Variants in DZIP1 observed in about 807,000 individuals in gnomAD.
DZIP1 encodes DAZ interacting zinc finger protein 1, also known as cilium assembly protein DZIP1.
Under a neutral mutation model 107.6 loss-of-function variants are expected in DZIP1, and 97 were observed. The ratio of observed to expected loss-of-function variants is 0.90; its 90% CI spans 0.77 to 1.07. DZIP1 has a LOEUF of 1.07. Ranked by LOEUF, DZIP1 falls within the 50% of genes least tolerant of loss-of-function variation. The pLI is 0.00. For synonymous variants in DZIP1, 390 were observed against 386.4 expected (o/e 1.01, Z -0.11); for missense variants, 1,035 against 1,063.6 (o/e 0.97, Z 0.37).
At chr13:95,620,523 A>T (rs959619134) in intron 9 of DZIP1, among the ~76,000 whole-genome samples, 2 of 152,102 alleles carry the variant, frequency 1.3e-5, no homozygotes, top group African/African-American at 4.8e-5. Context: ...GTCAGGAAAA[A>T]TTTTTTAGTA....
intron 8 of DZIP1, among the ~76,000 whole-genome samples, chr13:95,623,424 G>A (rs1033554020): frequency 4.6e-5 from 7 of 152,270 alleles, no homozygotes; most frequent in African/African-American, 1.7e-4. Context: ...CAGCCAGGTA[G>A]CCAAGGTCAA....
At chr13:95,628,036 G>T (rs1355704235) in intron 7 of DZIP1, among the ~76,000 whole-genome samples, 1 of 151,500 alleles carries the variant, frequency 6.6e-6, no homozygotes, top group Non-Finnish European at 1.5e-5. Context: ...AGACACAAAA[G>T]GTCACACATT....
chr13:95,622,960 G>T (rs1000390939), intron 8 of DZIP1, among the ~76,000 whole-genome samples: 2 of 151,986 alleles, frequency 1.3e-5, no homozygotes, highest in African/African-American at 4.8e-5. Flanking sequence ...GCCCAGGCTG[G>T]TCTCAAACTC....
In DZIP1 at chr13:95,624,954, T is replaced by C. The variant is rs770599560; in HGVS notation, c.811-25A>G. On this transcript the variant is annotated intron_variant, in intron 7 of 22. Transcript: ENST00000376829. ...CCTGAAATTATTTTAATACACATCTTTAAAAGTTCTGGTCTGAAGAAAATA... is the reference window on the plus strand; with the variant it reads ...CCTGAAATTATTTTAATACACATCTCTAAAAGTTCTGGTCTGAAGAAAATA... The C allele has an allele frequency of 1.3e-5, 20 of 1,561,532 alleles. No homozygotes were observed. In the African/African-American group the frequency reaches 2.6e-4, roughly 20 times the overall value.
chr13:95,629,912 G>A, intron 7 of DZIP1, 77 bp downstream of exon 7: 1 of 1,458,396 alleles, frequency 6.9e-7, no homozygotes. Flanking sequence ...AGTGTCCTCT[G>A]TTTATTAGAG....
At chr13:95,603,442 A>G (rs1286874059) in intron 14 of DZIP1, among the ~76,000 whole-genome samples, 1 of 151,756 alleles carries the variant, frequency 6.6e-6, no homozygotes, top group African/African-American at 2.4e-5. Context: ...CTTTACATGT[A>G]GATAGAACCT....
At chr13:95,610,107 T>TGAGAGAGAGA (rs1435687735) in intron 12 of DZIP1, among the ~76,000 whole-genome samples, 4 of 121,948 alleles carry the variant, frequency 3.3e-5, no homozygotes, top group African/African-American at 9.6e-5. Context: ...TGTGTGTGTG[T>TGAGAGAGAGA]GTGTGAGAGA....
intron 7 of DZIP1, among the ~76,000 whole-genome samples, chr13:95,626,555 C>T (rs894278426): frequency 6.6e-6 from 1 of 152,034 alleles, no homozygotes; most frequent in African/African-American, 2.4e-5. Context: ...AATCAACAAC[C>T]TCCTAAAAAG....
At chr13:95,632,973 T>G (rs779489158) in intron 6 of DZIP1, among the ~76,000 whole-genome samples, 1 of 152,194 alleles carries the variant, frequency 6.6e-6, no homozygotes, top group Non-Finnish European at 1.5e-5. Context: ...TACTCATTTA[T>G]CTGTTTAAAT....
rs980175140 is a variant in DZIP1, at chr13:95,612,318, A to T, written c.1174-141T>A. ...CATCAAGTCGTTGAATAAATCTTTG[A>T]TCATGGTATATCCTGGCCCTGGCTG... On this transcript the variant is annotated intron_variant, in intron 10 of 22. Transcript: ENST00000376829. 12 of 950,390 alleles carry T rather than the reference A, an allele frequency of 1.3e-5. No homozygotes were observed. In the African/African-American group the frequency reaches 1.8e-4, roughly 14 times the overall value. 58.9% of individuals were successfully genotyped at this position (950,390 alleles called of 1,614,324 possible).
intron 5 of DZIP1, among the ~76,000 whole-genome samples, chr13:95,637,468 G>A (rs1290045477): frequency 6.6e-6 from 1 of 152,164 alleles, no homozygotes; most frequent in Non-Finnish European, 1.5e-5. Context: ...GTGTGGCACA[G>A]TGGCTCACAC....
At chr13:95,608,662 C>T (rs1397588047) in intron 13 of DZIP1, among the ~76,000 whole-genome samples, 1 of 152,180 alleles carries the variant, frequency 6.6e-6, no homozygotes, top group African/African-American at 2.4e-5. Flanking sequence ...TTAACTACTG[C>T]TTAACTTCTT....
At position 95,630,094 on chromosome 13, in the gene DZIP1, C is replaced by T; in HGVS notation, c.705G>A (p.Gln235=). 2 of 1,611,678 alleles carry T rather than the reference C, an allele frequency of 1.2e-6. No homozygotes were observed. Among genetic ancestry groups the T allele is most frequent in the Non-Finnish European group, 1.7e-6 (2 of 1,179,250 alleles). ...NSHFEYQKNA[Q]IEKLRSEIVV... ...CGATCTCACTCCGGAGCTTCTCAAT[C>T]TGTGCATTTTTCTGATACTCTGTTG... The change falls in exon 7 of 23, where the codon CAG becomes CAA. Residue 235 remains glutamine, a synonymous_variant. Transcript: ENST00000376829.
intron 3 of DZIP1, among the ~76,000 whole-genome samples, chr13:95,642,644 C>G (rs1434594242): frequency 6.6e-6 from 1 of 152,148 alleles, no homozygotes; most frequent in Non-Finnish European, 1.5e-5. Flanking sequence ...TTTGGCATAA[C>G]AGAAATGTTT....
Position 95,600,629 on chromosome 13 carries a change from T to TAGACAGACAGACAGAC in DZIP1, c.1478-1221_1478-1206dup, listed in dbSNP as rs1555306626. Among the ~76,000 whole-genome samples the TAGACAGACAGACAGAC allele has an allele frequency of 7.2e-3, 1,057 of 147,486 alleles. 12 individuals are homozygous for TAGACAGACAGACAGAC. The highest frequency in any genetic ancestry group is 0.047 in the East Asian group (234 of 4,968). On this transcript the variant is annotated intron_variant, in intron 14 of 22. Coordinates refer to ENST00000376829, the MANE Select transcript of DZIP1 (RefSeq NM_198968.4). ...ATAGATAGATAGATAGATAGATAGA[T>TAGACAGACAGACAGAC]AGACAGACAGACAGACAGACAGGCT...
At chr13:95,627,497 A>G (rs1170914814) in intron 7 of DZIP1, among the ~76,000 whole-genome samples, 1 of 152,244 alleles carries the variant, frequency 6.6e-6, no homozygotes, top group Non-Finnish European at 1.5e-5. Flanking sequence ...CATTTCTCCA[A>G]CTAAGATATA....
At chr13:95,615,461 C>T (rs1244850595) in intron 10 of DZIP1, among the ~76,000 whole-genome samples, 1 of 152,218 alleles carries the variant, frequency 6.6e-6, no homozygotes, top group East Asian at 1.9e-4. Flanking sequence ...AGATCCAAAA[C>T]AGGATAGCCT....
intron 6 of DZIP1, among the ~76,000 whole-genome samples, chr13:95,632,351 C>T (rs1247362563): frequency 1.3e-5 from 2 of 152,118 alleles, no homozygotes; most frequent in Non-Finnish European, 2.9e-5. Flanking sequence ...GACCCTGGCC[C>T]TCCATCACAG....
At chr13:95,603,480 G>GCGGTTATTT (rs2044681005) in intron 14 of DZIP1, among the ~76,000 whole-genome samples, 1 of 152,224 alleles carries the variant, frequency 6.6e-6, no homozygotes, top group East Asian at 1.9e-4. Context: ...TTTGGGAAAA[G>GCGGTTATTT]CGGTTATTTT....
Sources: allele counts gnomAD v4.1 joint callset (sites outside exome capture counted in the v4.1 genomes callset), GRCh38; gene constraint gnomAD v4.1.1; transcripts MANE v1.5; gene names NCBI Gene and HGNC (gene_info 2026-07-23, HGNC 2026-07-21).